Variants in HS3ST5 observed in about 807,000 individuals in gnomAD.
HS3ST5 encodes heparan sulfate glucosamine 3-O-sulfotransferase 5.
A neutral mutation model predicts 25.4 loss-of-function variants in HS3ST5; 10 were observed. The observed-to-expected ratio is 0.39, with a 90% CI of 0.24 to 0.67. The LOEUF is 0.67. HS3ST5 is among the 30% of genes least tolerant of loss of function. The pLI, the probability that HS3ST5 is intolerant of heterozygous loss-of-function variation, is 0.44. For synonymous variants in HS3ST5, 170 were observed against 162.4 expected (o/e 1.05, Z -0.36); for missense variants, 324 against 420.7 (o/e 0.77, Z 2.01).
At chr6:114,087,304 C>T (rs562408362) in intron 3 of HS3ST5, among the ~76,000 whole-genome samples, 2 of 152,126 alleles carry the variant, frequency 1.3e-5, no homozygotes, top group Non-Finnish European at 2.9e-5. Context: ...GCATGATGCC[C>T]GTTCTTCCAT....
At position 114,179,771 on chromosome 6, in the gene HS3ST5, A is replaced by C. The variant is rs1215243970; in HGVS notation, c.-144-11309T>G. 2.6e-5 allele frequency among the ~76,000 whole-genome samples: 4 copies of C among 151,616 alleles called. No individual in the cohort carries two copies. The East Asian group carries it at 7.8e-4, about 30-fold the overall frequency. The stretch of plus-strand genomic sequence containing the variant: ...CCCACGATAGACCATCTGCAGGCTG[A>C]GAAGCCAGGAAGCCAGTAGTGGCTC... On this transcript the variant is annotated intron_variant, in intron 2 of 4. Transcript: ENST00000312719.
At chr6:114,094,764 G>A (rs1039432188) in intron 3 of HS3ST5, among the ~76,000 whole-genome samples, 15 of 152,112 alleles carry the variant, frequency 9.9e-5, no homozygotes, top group South Asian at 2.1e-4. Context: ...TCTCCTCCCC[G>A]TGAGTATGGG....
intron 3 of HS3ST5, chr6:114,084,512 C>T (rs919351408): frequency 4.0e-6 from 3 of 758,498 alleles, no homozygotes; most frequent in African/African-American, 3.4e-5. Context: ...ATGCGCAGAA[C>T]TTCCCGAGCC....
At chr6:114,278,074 C>G (rs1773940763) in intron 1 of HS3ST5, among the ~76,000 whole-genome samples, 1 of 151,980 alleles carries the variant, frequency 6.6e-6, no homozygotes. Flanking sequence ...TGATTAAACA[C>G]TGCCACTCAT....
At chr6:114,151,769 A>T (rs564331584) in intron 3 of HS3ST5, among the ~76,000 whole-genome samples, 63 of 152,318 alleles carry the variant, frequency 4.1e-4, no homozygotes, top group African/African-American at 1.5e-3. Flanking sequence ...AAATTATATC[A>T]ACACTTCACA....
intron 1 of HS3ST5, among the ~76,000 whole-genome samples, chr6:114,282,161 C>A (rs1466646014): frequency 6.6e-6 from 1 of 151,902 alleles, no homozygotes; most frequent in Non-Finnish European, 1.5e-5. Context: ...TGTGGAGAGA[C>A]TAAGCGAAGA....
intron 3 of HS3ST5, among the ~76,000 whole-genome samples, chr6:114,127,851 T>G (rs559497778): frequency 1.4e-3 from 216 of 149,014 alleles, no homozygotes; most frequent in African/African-American, 2.5e-3. Flanking sequence ...TATATATATA[T>G]ATATAGAGAG....
intron 1 of HS3ST5, among the ~76,000 whole-genome samples, chr6:114,273,320 G>C (rs1773711918): frequency 6.6e-6 from 1 of 152,054 alleles, no homozygotes; most frequent in Non-Finnish European, 1.5e-5. Flanking sequence ...AAAGGTGCTG[G>C]AAGAGAATTA....
intron 1 of HS3ST5, among the ~76,000 whole-genome samples, chr6:114,305,186 T>C (rs531037206): frequency 5.3e-5 from 8 of 152,254 alleles, no homozygotes; most frequent in Admixed American, 5.2e-4. Flanking sequence ...TGTTGACATA[T>C]GTCATTATTT....
At chr6:114,116,579 A>G (rs13194478) in intron 3 of HS3ST5, among the ~76,000 whole-genome samples, 38,326 of 152,056 alleles carry the variant, frequency 0.25, 4,949 homozygotes, top group African/African-American at 0.3. Flanking sequence ...CTCCAAGAGC[A>G]TTAAGAATAA....
chr6:114,318,079 C>A (rs547608451), intron 1 of HS3ST5, among the ~76,000 whole-genome samples: 1 of 152,236 alleles, frequency 6.6e-6, no homozygotes, highest in Non-Finnish European at 1.5e-5. Context: ...AGATGCCACC[C>A]AAAGTCCCCT....
intron 2 of HS3ST5, among the ~76,000 whole-genome samples, chr6:114,204,375 T>C (rs1180891244): frequency 2.0e-5 from 3 of 152,236 alleles, no homozygotes; most frequent in African/African-American, 7.2e-5. Context: ...TAAAGGAAAA[T>C]CAAGGCCTTT....
intron 1 of HS3ST5, among the ~76,000 whole-genome samples, chr6:114,309,770 T>A (rs1158407270): frequency 6.6e-6 from 1 of 152,164 alleles, no homozygotes; most frequent in South Asian, 2.1e-4. Context: ...TTAAATATCC[T>A]TTTGTGTTAA....
chr6:114,214,109 A>G (rs1190521864), intron 2 of HS3ST5, among the ~76,000 whole-genome samples: 2 of 152,190 alleles, frequency 1.3e-5, no homozygotes, highest in East Asian at 3.8e-4. Context: ...AACTGAAGTA[A>G]AGCTTTCTTT....
chr6:114,221,450 A>G (rs1782035580), intron 2 of HS3ST5, among the ~76,000 whole-genome samples: 1 of 151,694 alleles, frequency 6.6e-6, no homozygotes, highest in Non-Finnish European at 1.5e-5. Context: ...GGTAAATTCT[A>G]AAAGTTAACA....
intron 3 of HS3ST5, among the ~76,000 whole-genome samples, chr6:114,080,697 C>T (rs981551055): frequency 6.6e-6 from 1 of 152,240 alleles, no homozygotes; most frequent in South Asian, 2.1e-4. Context: ...AACCAAATAC[C>T]GCATGTCTCA....
At chr6:114,060,363 A>G (rs574835576) in intron 4 of HS3ST5, among the ~76,000 whole-genome samples, 6 of 152,336 alleles carry the variant, frequency 3.9e-5, no homozygotes, top group Admixed American at 3.3e-4. Context: ...TTAGAGAAAC[A>G]TGAATTTTGT....
At chr6:114,241,132 GTTTT>G (rs34220294) in intron 1 of HS3ST5, among the ~76,000 whole-genome samples, 279 of 117,806 alleles carry the variant, frequency 2.4e-3, no homozygotes, top group African/African-American at 8.4e-3. Context: ...AGAAAAATCA[GTTTT>G]TTTTTTTTTT....
intron 2 of HS3ST5, among the ~76,000 whole-genome samples, chr6:114,228,246 C>T (rs1406789059): frequency 1.3e-5 from 2 of 152,104 alleles, no homozygotes; most frequent in Admixed American, 1.3e-4. Flanking sequence ...CAGGGATTAG[C>T]ATTTTAAGGA....
Sources: gnomAD v4.1 joint callset for allele counts (sites outside exome capture counted in the v4.1 genomes callset) on GRCh38, gnomAD v4.1.1 for gene constraint, MANE v1.5 for transcripts, NCBI Gene and HGNC (gene_info 2026-07-23, HGNC 2026-07-21) for gene names.